The following RBMS1 variants were observed in gnomAD, a reference collection of about 807,000 sequenced individuals.
The protein encoded by RBMS1 is RNA-binding motif, single-stranded-interacting protein 1.
A neutral mutation model predicts 62.3 loss-of-function variants in RBMS1; 17 were observed. The ratio of observed to expected loss-of-function variants is 0.27; its 90% CI spans 0.19 to 0.41. RBMS1 has a LOEUF of 0.41. Ranked by LOEUF, RBMS1 falls within the 10% of genes least tolerant of loss-of-function variation. The probability of loss-of-function intolerance (pLI) is 1.00; values close to 1 mark genes in which losing one functional copy is unlikely to be tolerated. For synonymous variants in RBMS1, 172 were observed against 170.0 expected (o/e 1.01, Z -0.09); for missense variants, 334 against 504.5 (o/e 0.66, Z 3.24).
chr2:160,285,293 T>G (rs975889051), intron 7 of RBMS1, among the ~76,000 whole-genome samples: 3 of 152,068 alleles, frequency 2.0e-5, no homozygotes, highest in Non-Finnish European at 2.9e-5. Context: ...GAATTTGTAC[T>G]TAGAGTCTAG....
At chr2:160,420,868 C>A (rs1187357805) in intron 1 of RBMS1, among the ~76,000 whole-genome samples, 1 of 152,202 alleles carries the variant, frequency 6.6e-6, no homozygotes, top group African/African-American at 2.4e-5. Flanking sequence ...CTGTCAGATA[C>A]ATAAAAATTA....
At chr2:160,275,578 A>G in intron 13 of RBMS1, 52 bp downstream of exon 13, 4 of 1,595,032 alleles carry the variant, frequency 2.5e-6, no homozygotes, top group African/African-American at 1.3e-5. Flanking sequence ...AAAAAGCCCT[A>G]TAGATTGTGC....
chr2:160,392,424 C>T (rs764997908), intron 1 of RBMS1, among the ~76,000 whole-genome samples: 35 of 150,962 alleles, frequency 2.3e-4, no homozygotes, highest in Non-Finnish European at 4.6e-4. Context: ...ACCTTATGGC[C>T]TACAAAGCTT....
chr2:160,453,119 T>A (rs1261555912), intron 1 of RBMS1, among the ~76,000 whole-genome samples: 1 of 151,934 alleles, frequency 6.6e-6, no homozygotes, highest in African/African-American at 2.4e-5. Context: ...TGATGATGCT[T>A]ATTATTACTA....
chr2:160,341,855 G>C (rs1404193140), intron 2 of RBMS1, among the ~76,000 whole-genome samples: 1 of 152,136 alleles, frequency 6.6e-6, no homozygotes, highest in Non-Finnish European at 1.5e-5. Flanking sequence ...CAAGACCTAA[G>C]GTTGACCTTT....
chr2:160,424,935 C>G (rs1444323326), intron 1 of RBMS1, among the ~76,000 whole-genome samples: 3 of 151,662 alleles, frequency 2.0e-5, no homozygotes, highest in African/African-American at 7.3e-5. Context: ...TAAAAATAAT[C>G]AGGAATTGAT....
chr2:160,337,428 C>T (rs912167656), intron 2 of RBMS1, among the ~76,000 whole-genome samples: 1 of 152,132 alleles, frequency 6.6e-6, no homozygotes, highest in Non-Finnish European at 1.5e-5. Flanking sequence ...GCCATCGTGC[C>T]TGGCCCCCAA....
At chr2:160,401,094 A>G (rs1299483693) in intron 1 of RBMS1, among the ~76,000 whole-genome samples, 1 of 152,220 alleles carries the variant, frequency 6.6e-6, no homozygotes, top group Non-Finnish European at 1.5e-5. Context: ...GGATCATAAA[A>G]AACAGTCATT....
At chr2:160,466,608 A>T (rs1243944664) in intron 1 of RBMS1, among the ~76,000 whole-genome samples, 1 of 152,244 alleles carries the variant, frequency 6.6e-6, no homozygotes, top group Non-Finnish European at 1.5e-5. Flanking sequence ...ACAAAATTAA[A>T]GCCCAAATCT....
At chr2:160,462,905 C>T (rs745498911) in intron 1 of RBMS1, among the ~76,000 whole-genome samples, 6 of 152,112 alleles carry the variant, frequency 3.9e-5, no homozygotes, top group Admixed American at 3.9e-4. Context: ...CAGCCAAAAT[C>T]ATTTCTAAAC....
chr2:160,297,722 G>C (rs1325702290), intron 6 of RBMS1, among the ~76,000 whole-genome samples: 1 of 152,176 alleles, frequency 6.6e-6, no homozygotes, highest in African/African-American at 2.4e-5. Flanking sequence ...CAGGCTAAAG[G>C]GAACCAAAGG....
chr2:160,450,454 C>T (rs778203880), intron 1 of RBMS1, among the ~76,000 whole-genome samples: 9 of 150,606 alleles, frequency 6.0e-5, no homozygotes, highest in East Asian at 2.0e-4. Flanking sequence ...GCAGGAAAAT[C>T]GCTTGAACCC....
At chr2:160,378,751 A>G (rs1215154202) in intron 1 of RBMS1, among the ~76,000 whole-genome samples, 1 of 152,176 alleles carries the variant, frequency 6.6e-6, no homozygotes, top group Non-Finnish European at 1.5e-5. Flanking sequence ...ATGTCTCCCT[A>G]TATATGTCAC....
intron 1 of RBMS1, among the ~76,000 whole-genome samples, chr2:160,373,766 C>T (rs1693854648): frequency 6.6e-6 from 1 of 152,140 alleles, no homozygotes; most frequent in Non-Finnish European, 1.5e-5. Context: ...AGAATGCATT[C>T]ATCAGAAAGG....
rs1456805146 is a variant in RBMS1, at chr2:160,272,280, CAG to C, written c.*2490_*2491del. The C allele has an allele frequency of 6.6e-6, 1 of 152,154 alleles. No homozygotes were observed. Among genetic ancestry groups the C allele is most frequent in the Non-Finnish European group, 1.5e-5 (1 of 68,030 alleles). 9.4% of individuals were successfully genotyped at this position (152,154 alleles called of 1,614,324 possible). A position where few individuals can be genotyped will look rare whatever the true frequency, so the allele number is the denominator to read the frequency against. On this transcript the variant is annotated 3_prime_UTR_variant, in exon 14 of 14. Transcript: ENST00000348849. ...CAACAAGTCCTAGGAAAGAAAACTA[CAG>C]AGTTATCTTGAACCGGACAAATAAG...
intron 1 of RBMS1, among the ~76,000 whole-genome samples, chr2:160,469,553 C>T (rs955352030): frequency 7.9e-5 from 12 of 152,202 alleles, no homozygotes; most frequent in Admixed American, 4.6e-4. Context: ...CACTATCCAA[C>T]GCTTTCTAGT....
chr2:160,351,512 G>A (rs1303531249), intron 2 of RBMS1, among the ~76,000 whole-genome samples: 4 of 152,020 alleles, frequency 2.6e-5, no homozygotes, highest in East Asian at 3.9e-4. Flanking sequence ...AATTAAAGGC[G>A]GGGCAATTAA....
At chr2:160,282,311 C>A in intron 9 of RBMS1, 1 of 1,367,890 alleles carries the variant, frequency 7.3e-7, no homozygotes, top group African/African-American at 1.5e-5. Flanking sequence ...CCACCTAAGG[C>A]AGACCAAAGT....
intron 1 of RBMS1, among the ~76,000 whole-genome samples, chr2:160,422,814 T>C (rs1375231978): frequency 6.6e-6 from 1 of 152,222 alleles, no homozygotes; most frequent in Non-Finnish European, 1.5e-5. Context: ...AGGCAAATCA[T>C]ACTATGCTAA....
Sources: gnomAD v4.1 joint callset for allele counts (sites outside exome capture counted in the v4.1 genomes callset) on GRCh38, gnomAD v4.1.1 for gene constraint, MANE v1.5 for transcripts, NCBI Gene and HGNC (gene_info 2026-07-23, HGNC 2026-07-21) for gene names.